GTF3C1: variants seen among roughly 807,000 people sequenced by gnomAD.
GTF3C1 encodes the protein general transcription factor 3C polypeptide 1.
In GTF3C1, 57 loss-of-function variants were observed where a neutral mutation model predicts 226.7. The ratio of observed to expected loss-of-function variants is 0.25; its 90% CI spans 0.20 to 0.31. The LOEUF is 0.31. Among genes scored for constraint, GTF3C1 ranks in the 10% least tolerant of loss-of-function variants. The pLI is 1.00. For missense variants in GTF3C1, 2,217 were observed against 2,776.1 expected (o/e 0.80, Z 4.53); for synonymous variants, 1,090 against 1,084.8 (o/e 1.00, Z -0.09).
At chr16:27,478,280 C>G (rs752718008) in intron 28 of GTF3C1, among the ~76,000 whole-genome samples, 189 bp downstream of exon 28, 6 of 152,138 alleles carry the variant, frequency 3.9e-5, no homozygotes, top group Non-Finnish European at 8.8e-5. Flanking sequence ...CTGTACTTAC[C>G]TCTGAGGTTC....
chr16:27,541,081 T>A (rs1263350847), intron 2 of GTF3C1, among the ~76,000 whole-genome samples: 1 of 152,142 alleles, frequency 6.6e-6, no homozygotes, highest in African/African-American at 2.4e-5. Flanking sequence ...CCTCAAGTGA[T>A]CCACCCCCCT....
Position 27,463,383 on chromosome 16 carries a change from G to C in GTF3C1, c.5924+158C>G. ...TCAGCACGCCTGCTGCTCGCCCACT[G>C]CGCCCCTCCAAGTACCCCTGCCAAG... On this transcript the variant is annotated intron_variant, in intron 35 of 36. Transcript: ENST00000356183. This position sits in a 1 kb window ranked among gnomAD's most constrained non-coding sequence, Gnocchi z 4.9. 1 of 664,378 alleles carries C rather than the reference G, an allele frequency of 1.5e-6. No individual in the cohort carries two copies. The highest frequency in any genetic ancestry group is 2.4e-5 in the Admixed American group (1 of 42,540). The allele number at this position is 664,378 out of a possible 1,614,324, so 41.2% of individuals were successfully genotyped here.
chr16:27,464,249 G>A, intron 34 of GTF3C1, 71 bp downstream of exon 34: 4 of 964,572 alleles, frequency 4.1e-6, no homozygotes, highest in African/African-American at 1.7e-5. Flanking sequence ...GAAGGTGTGA[G>A]GCCCATCAGG....
chr16:27,501,351 A>G lies in GTF3C1; in HGVS notation c.1908-7T>C. 2 of 1,613,670 alleles carry G rather than the reference A, an allele frequency of 1.2e-6. No homozygotes were observed. Among genetic ancestry groups the G allele is most frequent in the Non-Finnish European group, 8.5e-7 (1 of 1,179,670 alleles). On this transcript the variant is annotated splice_polypyrimidine_tract_variant and splice_region_variant and intron_variant, in intron 11 of 36. Transcript: ENST00000356183. ...CATGATCATCTTCTGAATCCTGGGC[A>G]TCACAAAATAAGCAGATAACACTCC...
intron 27 of GTF3C1, among the ~76,000 whole-genome samples, chr16:27,479,144 G>A (rs548442961): frequency 3.4e-4 from 52 of 152,280 alleles, no homozygotes; most frequent in South Asian, 2.5e-3. Context: ...AGTTGGTGAG[G>A]CGACAGATAT....
intron 11 of GTF3C1, among the ~76,000 whole-genome samples, chr16:27,502,388 A>G (rs1235411641): frequency 6.6e-6 from 1 of 152,186 alleles, no homozygotes; most frequent in Non-Finnish European, 1.5e-5. Flanking sequence ...CAGAGTTCAG[A>G]GCCTCTACTC....
Position 27,469,232 on chromosome 16 carries a change from G to A in GTF3C1, c.5074+59C>T. 1 of 1,498,098 alleles carries A rather than the reference G, an allele frequency of 6.7e-7. No homozygotes were observed. Among genetic ancestry groups the A allele is most frequent in the Non-Finnish European group, 9.0e-7 (1 of 1,113,860 alleles). 92.8% of individuals were successfully genotyped at this position (1,498,098 alleles called of 1,614,324 possible). A position where few individuals can be genotyped will look rare whatever the true frequency, so the allele number is the denominator to read the frequency against. On this transcript the variant is annotated intron_variant, in intron 32 of 36. Transcript: ENST00000356183. This position sits in a 1 kb window ranked among gnomAD's most constrained non-coding sequence, Gnocchi z 4.5. The stretch of plus-strand genomic sequence containing the variant: ...GGTCTAGGTCCCAGGCCAGGCCTCA[G>A]GGTCTTCCTGGATGATGGCGAGGCC...
At chr16:27,510,624 C>T (rs1446138746) in intron 7 of GTF3C1, among the ~76,000 whole-genome samples, 1 of 152,178 alleles carries the variant, frequency 6.6e-6, no homozygotes, top group Non-Finnish European at 1.5e-5. Context: ...TTCTGAGGGA[C>T]GTCAAGGGAG....
At chr16:27,468,726 G>A (rs947900935) in intron 32 of GTF3C1, among the ~76,000 whole-genome samples, 17 of 152,138 alleles carry the variant, frequency 1.1e-4, no homozygotes, top group African/African-American at 3.1e-4. Flanking sequence ...GCGAGTCCCC[G>A]TCTCAATCAT....
At chr16:27,512,229 G>T (rs931228031) in intron 6 of GTF3C1, among the ~76,000 whole-genome samples, 1 of 152,148 alleles carries the variant, frequency 6.6e-6, no homozygotes, top group African/African-American at 2.4e-5. Flanking sequence ...AACAGGAGAC[G>T]CGCCTGTCTC....
chr16:27,524,891 C>G (rs1457692149), intron 6 of GTF3C1, among the ~76,000 whole-genome samples: 6 of 152,222 alleles, frequency 3.9e-5, no homozygotes, highest in African/African-American at 1.2e-4. Flanking sequence ...CAGTGGCTCA[C>G]GCCTGTAATC....
chr16:27,485,813 G>A (rs1332289359), intron 24 of GTF3C1, among the ~76,000 whole-genome samples, 184 bp downstream of exon 24: 1 of 152,212 alleles, frequency 6.6e-6, no homozygotes, highest in Non-Finnish European at 1.5e-5. Flanking sequence ...TCCAGACTGG[G>A]TGAAAGAGCA....
chr16:27,491,479 G>A (rs1250594395), intron 19 of GTF3C1, among the ~76,000 whole-genome samples: 1 of 152,186 alleles, frequency 6.6e-6, no homozygotes, highest in African/African-American at 2.4e-5. Flanking sequence ...AACTATTCTA[G>A]GCACAAGGAA....
At chr16:27,515,201 T>C (rs941420489) in intron 6 of GTF3C1, among the ~76,000 whole-genome samples, 3 of 152,118 alleles carry the variant, frequency 2.0e-5, no homozygotes, top group Admixed American at 2.0e-4. Context: ...TCCCAGCACT[T>C]TGGGAGGCCG....
At chr16:27,533,510 C>G (rs1020886473) in intron 4 of GTF3C1, 123 bp from the exon 5 acceptor site, 9 of 628,412 alleles carry the variant, frequency 1.4e-5, no homozygotes, top group South Asian at 5.5e-5. Context: ...ATAACAGAAT[C>G]TTTTAGGTCT....
chr16:27,514,658 G>C (rs1263516632), intron 6 of GTF3C1, among the ~76,000 whole-genome samples: 4 of 152,072 alleles, frequency 2.6e-5, no homozygotes, highest in African/African-American at 7.2e-5. Context: ...CCTGGATGCT[G>C]TCCTAGGCTC....
intron 23 of GTF3C1, among the ~76,000 whole-genome samples, chr16:27,487,512 C>A (rs1245076021): frequency 6.6e-6 from 1 of 152,248 alleles, no homozygotes; most frequent in East Asian, 1.9e-4. Flanking sequence ...GTGCTGCAGG[C>A]TTACACGACT....
At chr16:27,465,668 G>A (rs1596611911) in intron 32 of GTF3C1, 128 bp from the exon 33 acceptor site, 2 of 729,448 alleles carry the variant, frequency 2.7e-6, no homozygotes, top group Middle Eastern at 3.9e-4. Flanking sequence ...AGCCACAGGG[G>A]TCACCTGCTG....
At chr16:27,477,799 C>T (rs2087976116) in intron 28 of GTF3C1, among the ~76,000 whole-genome samples, 1 of 151,952 alleles carries the variant, frequency 6.6e-6, no homozygotes, top group Non-Finnish European at 1.5e-5. Flanking sequence ...GTGGCTTACA[C>T]CTGTATATTA....
Sources: allele counts gnomAD v4.1 joint callset (sites outside exome capture counted in the v4.1 genomes callset), GRCh38; gene constraint gnomAD v4.1.1; non-coding constraint Gnocchi (gnomAD v3.1); transcripts MANE v1.5; gene names NCBI Gene and HGNC (gene_info 2026-07-23, HGNC 2026-07-21).